Variants in RGS9 observed in about 807,000 individuals in gnomAD.
RGS9 encodes regulator of G protein signaling 9, also known as regulator of G-protein signalling 9.
In RGS9, 78 loss-of-function variants were observed where a neutral mutation model predicts 102.0. The observed-to-expected ratio is 0.76, with a 90% confidence interval of 0.64 to 0.92. RGS9 has a LOEUF of 0.92. RGS9 is among the 40% of genes least tolerant of loss of function. The pLI is 0.00. For synonymous variants in RGS9, 353 were observed against 318.6 expected (o/e 1.11, Z -1.15); for missense variants, 833 against 866.1 (o/e 0.96, Z 0.48).
chr17:65,202,485 A>C lies in RGS9; in HGVS notation c.1064+405A>C, dbSNP rs559020524. On this transcript the variant is annotated intron_variant, in intron 14 of 18. Transcript: ENST00000262406. ...AGAGAGAGTGAGAGAGAGAGAGAAG[A>C]AGCAGCAAGATGGGAAACCTATTCC... Among the ~76,000 whole-genome samples, 21 of 146,246 alleles carry C rather than the reference A, an allele frequency of 1.4e-4. No homozygotes were observed. In the South Asian group the frequency reaches 2.1e-3, roughly 15 times the overall value.
intron 1 of RGS9, among the ~76,000 whole-genome samples, chr17:65,146,006 C>A (rs1367578463): frequency 2.0e-5 from 3 of 152,156 alleles, no homozygotes; most frequent in Non-Finnish European, 4.4e-5. Flanking sequence ...ATCTGACTCC[C>A]CTCATTGTGT....
intron 16 of RGS9, among the ~76,000 whole-genome samples, chr17:65,208,532 A>C (rs1476338210): frequency 6.6e-6 from 1 of 152,100 alleles, no homozygotes; most frequent in Non-Finnish European, 1.5e-5. Context: ...CTCATTGGAG[A>C]TGTGGATCAT....
chr17:65,210,191 G>T (rs569597442), intron 16 of RGS9, among the ~76,000 whole-genome samples: 1 of 152,116 alleles, frequency 6.6e-6, no homozygotes, highest in African/African-American at 2.4e-5. Context: ...GTTACAAAAA[G>T]TTAAGATAAC....
intron 1 of RGS9, among the ~76,000 whole-genome samples, chr17:65,151,033 C>A (rs143058112): frequency 6.6e-6 from 1 of 152,282 alleles, no homozygotes; most frequent in African/African-American, 2.4e-5. Context: ...TAGTGTCAAA[C>A]ATCCAGTTTG....
At chr17:65,174,365 G>T (rs928137582) in intron 8 of RGS9, among the ~76,000 whole-genome samples, 1 of 152,212 alleles carries the variant, frequency 6.6e-6, no homozygotes, top group South Asian at 2.1e-4. Flanking sequence ...GGCTGTGTGT[G>T]AGTGTGAGTG....
At chr17:65,196,034 A>G (rs1371065907) in intron 12 of RGS9, among the ~76,000 whole-genome samples, 1 of 152,248 alleles carries the variant, frequency 6.6e-6, no homozygotes, top group Non-Finnish European at 1.5e-5. Context: ...TTTGCAAACC[A>G]CTGTCGTCAT....
intron 9 of RGS9, chr17:65,185,189 A>C (rs1238600461): frequency 6.6e-6 from 1 of 152,230 alleles, no homozygotes; most frequent in Non-Finnish European, 1.5e-5. Context: ...AGCAGATCCC[A>C]TGGATGGCTG....
intron 17 of RGS9, among the ~76,000 whole-genome samples, chr17:65,215,481 T>TTTCG (rs1491447981): frequency 2.5e-5 from 3 of 120,896 alleles, no homozygotes; most frequent in South Asian, 2.6e-4. Context: ...TTTCTCTATC[T>TTTCG]TTCTTTCGTT....
At chr17:65,138,961 A>ACCCCGGCATCCCCTCCTACATCCTAGCCT (rs1555610177) in intron 1 of RGS9, among the ~76,000 whole-genome samples, 24 of 70,458 alleles carry the variant, frequency 3.4e-4, no homozygotes, top group South Asian at 5.7e-4. Flanking sequence ...CTCCCCAGCC[A>ACCCCGGCATCCCCTCCTACATCCTAGCCT]CCCCTCCTCC....
intron 8 of RGS9, among the ~76,000 whole-genome samples, chr17:65,175,792 G>A (rs1358016143): frequency 6.6e-6 from 1 of 152,128 alleles, no homozygotes. Flanking sequence ...AGCCCGGTGA[G>A]CTAGGTTGCT....
intron 2 of RGS9, among the ~76,000 whole-genome samples, chr17:65,157,093 GGAGGGAA>G (rs1415615960): frequency 6.6e-6 from 1 of 151,840 alleles, no homozygotes; most frequent in East Asian, 1.9e-4. Context: ...CCGCCTCCGA[GGAGGGAA>G]GTATCATTGG....
intron 9 of RGS9, among the ~76,000 whole-genome samples, chr17:65,181,490 T>A (rs1332654779): frequency 6.6e-6 from 1 of 152,216 alleles, no homozygotes; most frequent in Admixed American, 6.5e-5. Context: ...GGGCCCTGGG[T>A]GGCCCACTCC....
chr17:65,145,470 C>A (rs1338921303), intron 1 of RGS9, among the ~76,000 whole-genome samples: 1 of 152,004 alleles, frequency 6.6e-6, no homozygotes, highest in Non-Finnish European at 1.5e-5. Flanking sequence ...CTCAGTGCAA[C>A]CTCTGCCTCC....
intron 1 of RGS9, among the ~76,000 whole-genome samples, chr17:65,149,148 A>G (rs923590919): frequency 2.1e-5 from 3 of 145,540 alleles, no homozygotes; most frequent in Admixed American, 1.3e-4. Flanking sequence ...TGTTGTTGTT[A>G]TGTTTAATAG....
intron 8 of RGS9, 76 bp from the exon 9 acceptor site, chr17:65,177,656 T>G: frequency 7.1e-7 from 1 of 1,412,286 alleles, no homozygotes; most frequent in Non-Finnish European, 1.0e-6. Context: ...AATTGGCAGA[T>G]TAACCAAGAC....
At chr17:65,178,321 A>G (rs1911724608) in intron 9 of RGS9, among the ~76,000 whole-genome samples, 2 of 152,090 alleles carry the variant, frequency 1.3e-5, no homozygotes, top group Admixed American at 6.5e-5. Flanking sequence ...TTCTCCAAGC[A>G]GGTTTCATTA....
chr17:65,223,283 G>A (rs369768601), intron 17 of RGS9, among the ~76,000 whole-genome samples: 6 of 152,232 alleles, frequency 3.9e-5, no homozygotes, highest in South Asian at 2.1e-4. Flanking sequence ...GGCCCTGGGC[G>A]TGGGCCTGGC....
At chr17:65,222,141 C>T (rs758602804) in intron 17 of RGS9, among the ~76,000 whole-genome samples, 1 of 152,256 alleles carries the variant, frequency 6.6e-6, no homozygotes, top group Non-Finnish European at 1.5e-5. Context: ...TTCTTGCTGG[C>T]CATCAGCTGG....
chr17:65,197,202 C>T lies in RGS9; in HGVS notation c.937C>T (p.Arg313Ter), dbSNP rs777243892. The T allele has an allele frequency of 9.3e-6, 15 of 1,613,750 alleles. No individual in the cohort carries two copies. The highest frequency in any genetic ancestry group is 2.2e-5 in the South Asian group (2 of 91,010). Residue 313 changes from arginine (R) to a stop codon, truncating the protein, a stop_gained, in exon 13 of 19, where the codon CGA (arginine) becomes TGA (stop). Coordinates refer to ENST00000262406, the MANE Select transcript of RGS9 (RefSeq NM_003835.4). LOFTEE classifies it high-confidence loss of function. ...FSELIRDPKG[R>*]QSFQYFLKKE... Reference sequence around the variant, plus strand: ...CGAATTGATCCGAGACCCCAAAGGTCGACAGAGCTTCCAGTACTTCCTCAA... The same window carrying T: ...CGAATTGATCCGAGACCCCAAAGGTTGACAGAGCTTCCAGTACTTCCTCAA...
Sources: allele counts gnomAD v4.1 joint callset (sites outside exome capture counted in the v4.1 genomes callset), GRCh38; gene constraint gnomAD v4.1.1; transcripts MANE v1.5; gene names NCBI Gene and HGNC (gene_info 2026-07-23, HGNC 2026-07-21).